Variants in RB1 observed in about 807,000 individuals in gnomAD.
RB1 encodes the protein retinoblastoma-associated protein.
RB1 carries 18 observed loss-of-function variants against 135.4 expected under a neutral mutation model. The observed-to-expected ratio is 0.13, with a 90% confidence interval of 0.09 to 0.20. The LOEUF (loss-of-function observed/expected upper bound fraction) is 0.20, where lower values mean the gene tolerates loss of function less well. Ranked by LOEUF, RB1 falls within the 10% of genes least tolerant of loss-of-function variation. The pLI is 1.00. For synonymous variants in RB1, 365 were observed against 373.2 expected, an observed-to-expected ratio of 0.98 and a Z score of 0.25; for missense variants, 868 against 1,110.0, an observed-to-expected ratio of 0.78 and a Z score of 3.10.
intron 17 of RB1, among the ~76,000 whole-genome samples, chr13:48,433,512 C>G (rs1012589183): frequency 6.6e-6 from 1 of 152,070 alleles, no homozygotes; most frequent in Non-Finnish European, 1.5e-5. Context: ...AATTTTTGTT[C>G]AGAGAATTTC....
chr13:48,410,329 C>T (rs972033531), intron 17 of RB1, among the ~76,000 whole-genome samples: 3 of 152,140 alleles, frequency 2.0e-5, no homozygotes, highest in African/African-American at 7.2e-5. Flanking sequence ...GTATTCTTTG[C>T]AGTAGCATGC....
At chr13:48,369,848 C>T (rs1293952260) in intron 11 of RB1, among the ~76,000 whole-genome samples, 1 of 152,088 alleles carries the variant, frequency 6.6e-6, no homozygotes, top group African/African-American at 2.4e-5. Flanking sequence ...TAGCATGTAT[C>T]CCAATTTATA....
At chr13:48,433,268 G>A (rs1368882065) in intron 17 of RB1, among the ~76,000 whole-genome samples, 2 of 150,106 alleles carry the variant, frequency 1.3e-5, no homozygotes, top group Non-Finnish European at 3.0e-5. Flanking sequence ...AGTATACCTG[G>A]GTAAATATAG....
rs373601944 is a variant in RB1, at chr13:48,456,251, G to A, written c.1862G>A (p.Arg621His). Residue 621 changes from arginine (R) to histidine (H), a missense_variant, in exon 19 of 27, where the codon CGT becomes CAT. Around this residue, in one of 3 missense-constraint regions of RB1, gnomAD observed 641 missense variants for 791.3 expected, o/e 0.81. Transcript: ENST00000267163. Reference protein sequence around the residue: ...RSPKKKGSTTRVNSTANAETQ... With the variant: ...RSPKKKGSTTHVNSTANAETQ... ...CCAAAGAAAAAAGGTTCAACTACGC[G>A]TGTAAATTCTACTGCAAATGCAGAG... is the stretch of plus-strand genomic sequence containing the variant. 50 of 1,613,990 alleles carry A rather than the reference G, an allele frequency of 3.1e-5. No homozygotes were observed. The highest frequency in any genetic ancestry group is 1.5e-4 in the African/African-American group (11 of 74,892).
At chr13:48,379,492 C>T (rs1005624313) in intron 13 of RB1, 102 bp from the exon 14 acceptor site, 1 of 1,460,208 alleles carries the variant, frequency 6.8e-7, no homozygotes, top group Non-Finnish European at 9.2e-7. Flanking sequence ...TGAAGGCCAG[C>T]CTGGGCAAAA....
At chr13:48,395,621 A>C (rs954226941) in intron 17 of RB1, among the ~76,000 whole-genome samples, 1 of 152,118 alleles carries the variant, frequency 6.6e-6, no homozygotes, top group Non-Finnish European at 1.5e-5. Context: ...AAGCAGAAAA[A>C]AAGGATATCA....
chr13:48,338,133 T>C (rs12877232), intron 2 of RB1, among the ~76,000 whole-genome samples: 14,148 of 152,232 alleles, frequency 0.093, 754 homozygotes, highest in South Asian at 0.16. Context: ...ATTTCAACTT[T>C]GGTGAATCTG....
chr13:48,344,220 T>C (rs908074952), intron 3 of RB1, among the ~76,000 whole-genome samples: 1 of 152,230 alleles, frequency 6.6e-6, no homozygotes, highest in Admixed American at 6.5e-5. Flanking sequence ...AAAGTTATTA[T>C]TTAAACTGCT....
chr13:48,344,127 T>A (rs980219654), intron 3 of RB1, among the ~76,000 whole-genome samples: 3 of 152,224 alleles, frequency 2.0e-5, no homozygotes, highest in African/African-American at 7.2e-5. Context: ...ATGATTGCTA[T>A]CTTTAATATC....
At chr13:48,411,976 G>A (rs374984103) in intron 17 of RB1, 2 of 1,602,612 alleles carry the variant, frequency 1.2e-6, no homozygotes, top group African/African-American at 1.3e-5. Context: ...AAAACGGCGG[G>A]TGCACTTCCT....
intron 20 of RB1, among the ~76,000 whole-genome samples, chr13:48,463,128 A>T (rs1423684881): frequency 6.6e-6 from 1 of 152,244 alleles, no homozygotes; most frequent in Admixed American, 6.5e-5. Context: ...GTCACAGGGA[A>T]TCATTTTCAG....
intron 2 of RB1, among the ~76,000 whole-genome samples, chr13:48,339,617 T>A (rs1212872847): frequency 6.6e-6 from 1 of 152,224 alleles, no homozygotes; most frequent in Non-Finnish European, 1.5e-5. Context: ...CCCCCTGTGC[T>A]TCCCAGGTGA....
At chr13:48,463,674 T>A (rs1276158912) in intron 20 of RB1, 57 bp from the exon 21 acceptor site, 9 of 1,077,952 alleles carry the variant, frequency 8.3e-6, no homozygotes, top group African/African-American at 4.7e-5. Flanking sequence ...TGGTATTTTT[T>A]AAGAACAAAA....
chr13:48,399,566 T>C (rs1371320250), intron 17 of RB1, among the ~76,000 whole-genome samples: 1 of 152,056 alleles, frequency 6.6e-6, no homozygotes, highest in Non-Finnish European at 1.5e-5. Flanking sequence ...AAAATAACTT[T>C]CTTCATCATT....
intron 6 of RB1, 142 bp from the exon 7 acceptor site, chr13:48,359,875 C>CAA (rs1296606820): frequency 9.9e-6 from 11 of 1,110,192 alleles, no homozygotes; most frequent in Admixed American, 7.3e-5. Context: ...TTTTTTTTTA[C>CAA]AAAAAAAAGA....
Position 48,303,857 on chromosome 13 carries a change from G to A in RB1, c.-56G>A, listed in dbSNP as rs1593411790. The A allele has an allele frequency of 1.3e-6, 2 of 1,500,156 alleles. No individual in the cohort carries two copies. The highest frequency in any genetic ancestry group is 1.8e-6 in the Non-Finnish European group (2 of 1,131,970). The allele number at this position is 1,500,156 out of a possible 1,614,324, so 92.9% of individuals were successfully genotyped here. On this transcript the variant is annotated 5_prime_UTR_variant, in exon 1 of 27. Coordinates refer to ENST00000267163, the MANE Select transcript of RB1 (RefSeq NM_000321.3). ...GGGGCGTGCCCCGACGTGCGCGCGC[G>A]TCGTCCTCCCCGGCGCTCCTCCACA...
chr13:48,305,685 T>C (rs1952075119), intron 1 of RB1, among the ~76,000 whole-genome samples: 2 of 152,200 alleles, frequency 1.3e-5, no homozygotes, highest in South Asian at 4.1e-4. Flanking sequence ...CAAGATACAG[T>C]CTGTTCTTGA....
intron 8 of RB1, 111 bp downstream of exon 8, chr13:48,363,068 C>T (rs1952658024): frequency 7.4e-7 from 1 of 1,358,708 alleles, no homozygotes; most frequent in South Asian, 1.3e-5. Flanking sequence ...GTAATTAGTG[C>T]TAACTCTTTT....
chr13:48,405,847 G>T (rs1196946915), intron 17 of RB1, among the ~76,000 whole-genome samples: 1 of 151,996 alleles, frequency 6.6e-6, no homozygotes, highest in Non-Finnish European at 1.5e-5. Context: ...AAGCAGGTAT[G>T]CACGTTTTAT....
Sources: allele counts gnomAD v4.1 joint callset (sites outside exome capture counted in the v4.1 genomes callset), GRCh38; gene constraint gnomAD v4.1.1; regional missense constraint gnomAD v4.1.1; transcripts MANE v1.5; gene names NCBI Gene and HGNC (gene_info 2026-07-23, HGNC 2026-07-21).